The following DHX40 variants were observed in gnomAD, a reference collection of about 807,000 sequenced individuals.
The protein encoded by DHX40 is probable ATP-dependent RNA helicase DHX40.
In DHX40, 28 loss-of-function variants were observed where a neutral mutation model predicts 89.6. That is an observed-to-expected ratio of 0.31 (90% confidence interval 0.23 to 0.43). The LOEUF (loss-of-function observed/expected upper bound fraction) is 0.43. Ranked by LOEUF, DHX40 falls within the 20% of genes least tolerant of loss-of-function variation. DHX40 has a pLI of 1.00. For missense variants in DHX40, 457 were observed against 844.0 expected, an observed-to-expected ratio of 0.54 and a Z score of 5.68; for synonymous variants, 226 against 283.6, an observed-to-expected ratio of 0.80 and a Z score of 2.04.
intron 14 of DHX40, 21 bp from the exon 15 acceptor site, chr17:59,602,501 C>T: frequency 1.3e-6 from 2 of 1,573,958 alleles, no homozygotes; most frequent in South Asian, 1.1e-5. Context: ...ATTTACCACT[C>T]TCTACATATT....
rs2049004542 is a variant in DHX40 at position 59,586,831 on chromosome 17, A to G, written c.1424+598A>G. ...GAGTCCTTGTTTTCATGTTTGTGTG[A>G]TGGGGTGGTTAGGTTTGATATTAAT... On this transcript the variant is annotated intron_variant, in intron 11 of 17. Coordinates refer to ENST00000251241, the MANE Select transcript of DHX40 (RefSeq NM_024612.5). Among the ~76,000 whole-genome samples, 5 of 152,166 alleles carry G rather than the reference A, an allele frequency of 3.3e-5. No homozygotes were observed. The South Asian group carries it at 8.3e-4, about 25-fold the overall frequency.
intron 17 of DHX40, 46 bp from the exon 18 acceptor site, chr17:59,606,987 G>C (rs2030901623): frequency 6.5e-7 from 1 of 1,533,764 alleles, no homozygotes; most frequent in Admixed American, 1.8e-5. Context: ...TTCTAGTACT[G>C]AATCTCAAAG....
chr17:59,586,433 T>A (rs1361417296), intron 11 of DHX40, among the ~76,000 whole-genome samples, 200 bp downstream of exon 11: 1 of 150,886 alleles, frequency 6.6e-6, no homozygotes, highest in Non-Finnish European at 1.5e-5. Flanking sequence ...GAGGCCGAGG[T>A]CGGTGGATCA....
chr17:59,569,387 G>A (rs1033165698), intron 2 of DHX40, among the ~76,000 whole-genome samples: 3 of 150,502 alleles, frequency 2.0e-5, no homozygotes, highest in African/African-American at 7.3e-5. Flanking sequence ...TACTCTTGTG[G>A]CAAAAGTAAA....
chr17:59,587,958 C>T lies in DHX40; in HGVS notation c.1487C>T (p.Thr496Ile), dbSNP rs2049022734. 6.2e-7 allele frequency: 1 copy of T among 1,613,610 alleles called. No individual in the cohort carries two copies. The highest frequency in any genetic ancestry group is 1.1e-5 in the South Asian group (1 of 91,066). Reference sequence around the variant, plus strand: ...GAGTTTCCTTTGCCTCCACATCTGACATGTGCAGTAATAAAAGCTGCTTCC... The same window carrying T: ...GAGTTTCCTTTGCCTCCACATCTGATATGTGCAGTAATAAAAGCTGCTTCC... ...MVEFPLPPHL[T>I]CAVIKAASLD... is the part of the protein sequence containing the mutation. The change falls in exon 12 of 18, where the codon ACA becomes ATA. Residue 496 changes from threonine to isoleucine, a missense_variant. This residue lies in a region of DHX40 where 19 missense variants were observed against 110.3 expected (regional missense o/e 0.17). Coordinates refer to ENST00000251241, the MANE Select transcript of DHX40 (RefSeq NM_024612.5).
chr17:59,603,234 A>C (rs1023971306), intron 15 of DHX40: 2 of 152,242 alleles, frequency 1.3e-5, no homozygotes, highest in African/African-American at 4.8e-5. Flanking sequence ...GTTTCATTAT[A>C]GATGGATGCA....
At chr17:59,588,232 A>C (rs1008026616) in intron 12 of DHX40, among the ~76,000 whole-genome samples, 179 bp downstream of exon 12, 2 of 148,172 alleles carry the variant, frequency 1.3e-5, no homozygotes, top group Non-Finnish European at 1.5e-5. Context: ...AAAAAAAAAA[A>C]AAAAAAAAAC....
intron 15 of DHX40, chr17:59,603,399 A>G (rs1458318331): frequency 6.6e-6 from 1 of 152,290 alleles, no homozygotes; most frequent in Non-Finnish European, 1.5e-5. Context: ...TCCATCTGCC[A>G]CTTAAAGGAG....
chr17:59,601,970 CT>C (rs1304195385), intron 14 of DHX40, among the ~76,000 whole-genome samples: 1 of 152,222 alleles, frequency 6.6e-6, no homozygotes, highest in East Asian at 1.9e-4. Context: ...ATTACTAGCC[CT>C]GTGAAAACAC....
At chr17:59,575,092 G>GT (rs2048862316) in intron 6 of DHX40, among the ~76,000 whole-genome samples, 1 of 151,878 alleles carries the variant, frequency 6.6e-6, no homozygotes, top group African/African-American at 2.4e-5. Context: ...CAAATACAGG[G>GT]TGAAAAGCTT....
intron 12 of DHX40, among the ~76,000 whole-genome samples, chr17:59,591,870 ATTGTT>A (rs2049088142): frequency 6.6e-6 from 1 of 151,694 alleles, no homozygotes; most frequent in Non-Finnish European, 1.5e-5. Flanking sequence ...AAATTCGGAA[ATTGTT>A]TTGTTTTGTT....
chr17:59,570,775 C>A lies in DHX40; in HGVS notation c.426+112C>A, dbSNP rs545692718. On this transcript the variant is annotated intron_variant, in intron 3 of 17. Coordinates refer to ENST00000251241, the MANE Select transcript of DHX40 (RefSeq NM_024612.5). ...CATGGCTCTCTGTAGCCTCTACCTT[C>A]TGGGCTCAAGTGATCTCCTACCTCA... 9.4e-5 allele frequency: 110 copies of A among 1,165,502 alleles called. No individual in the cohort carries two copies. The African/African-American group carries it at 1.5e-3, about 16-fold the overall frequency. The allele number at this position is 1,165,502 out of a possible 1,614,324, so 72.2% of individuals were successfully genotyped here.
At chr17:59,601,355 C>G (rs574070623) in intron 14 of DHX40, among the ~76,000 whole-genome samples, 1 of 152,150 alleles carries the variant, frequency 6.6e-6, no homozygotes, top group Admixed American at 6.5e-5. Context: ...TCTCCAGCCT[C>G]TGGAAACCAC....
chr17:59,578,964 A>C (rs1484075170), intron 8 of DHX40, among the ~76,000 whole-genome samples: 1 of 136,436 alleles, frequency 7.3e-6, no homozygotes, highest in African/African-American at 2.6e-5. Flanking sequence ...TTTGTGGCTG[A>C]ATAATATTGC....
In DHX40 at chr17:59,565,803, A is replaced by G. The variant is rs1179126329; in HGVS notation, c.112+20A>G. On this transcript the variant is annotated intron_variant, in intron 1 of 17. Coordinates refer to ENST00000251241, the MANE Select transcript of DHX40 (RefSeq NM_024612.5). ...ATAGAGGTGCGGTCCGCGGGACGGT[A>G]CGGAAGCCAGCGGGAGTTACGGCGT... is the stretch of plus-strand genomic sequence containing the variant. 2.5e-6 allele frequency: 4 copies of G among 1,582,240 alleles called. No individual in the cohort carries two copies. Among genetic ancestry groups the G allele is most frequent in the Middle Eastern group, 3.4e-4 (2 of 5,930 alleles).
chr17:59,585,575 T>G (rs1340006310), intron 10 of DHX40, among the ~76,000 whole-genome samples: 1 of 148,442 alleles, frequency 6.7e-6, no homozygotes, highest in African/African-American at 2.5e-5. Flanking sequence ...TACAAAAAAT[T>G]AGCTAGGCGT....
intron 3 of DHX40, among the ~76,000 whole-genome samples, chr17:59,571,347 C>T (rs2143213201): frequency 6.6e-6 from 1 of 151,732 alleles, no homozygotes; most frequent in Non-Finnish European, 1.5e-5. Context: ...ATCCCAGCTA[C>T]TCAGGAGGCT....
intron 14 of DHX40, among the ~76,000 whole-genome samples, chr17:59,600,552 A>C (rs1332209294): frequency 1.3e-5 from 2 of 152,040 alleles, no homozygotes; most frequent in Non-Finnish European, 2.9e-5. Context: ...TAATTAATAT[A>C]AAATTTACCT....
chr17:59,571,942 A>G (rs753638149), intron 3 of DHX40, among the ~76,000 whole-genome samples: 6 of 152,160 alleles, frequency 3.9e-5, no homozygotes, highest in African/African-American at 9.7e-5. Context: ...GAATCACACA[A>G]TATTTTGTAC....
Sources: allele counts gnomAD v4.1 joint callset (sites outside exome capture counted in the v4.1 genomes callset), GRCh38; gene constraint gnomAD v4.1.1; regional missense constraint gnomAD v4.1.1; transcripts MANE v1.5; gene names NCBI Gene and HGNC (gene_info 2026-07-23, HGNC 2026-07-21).